Variants in MPC1 observed in about 807,000 individuals in gnomAD.
MPC1 encodes HSPC040 protein.
MPC1 carries 6 observed loss-of-function variants against 13.9 expected under a neutral mutation model. That is an observed-to-expected ratio of 0.43 (90% CI 0.24 to 0.85). The LOEUF is 0.85. MPC1 is among the 40% of genes least tolerant of loss of function. The pLI, the probability that MPC1 is intolerant of heterozygous loss-of-function variation, is 0.24. For synonymous variants in MPC1, 47 were observed against 50.5 expected (o/e 0.93, Z 0.29); for missense variants, 115 against 143.3 (o/e 0.80, Z 1.01).
intron 2 of MPC1, chr6:166,369,017 T>C: frequency 1.2e-6 from 1 of 836,828 alleles, no homozygotes; most frequent in African/African-American, 1.8e-5. Flanking sequence ...ATGTGTCTTC[T>C]TTCATAGGTG....
At chr6:166,382,017 C>G (rs1370068563) in intron 1 of MPC1, among the ~76,000 whole-genome samples, 1 of 152,266 alleles carries the variant, frequency 6.6e-6, no homozygotes, top group Non-Finnish European at 1.5e-5. Context: ...CACCCCACAC[C>G]CAGGTCGCCG....
intron 1 of MPC1, among the ~76,000 whole-genome samples, chr6:166,378,807 T>C (rs1779662395): frequency 6.6e-6 from 1 of 152,178 alleles, no homozygotes; most frequent in Non-Finnish European, 1.5e-5. Context: ...GGATTAAACA[T>C]GCAATATTAG....
At chr6:166,369,973 A>G (rs1013729800) in intron 2 of MPC1, 36 of 666,064 alleles carry the variant, frequency 5.4e-5, no homozygotes, top group Non-Finnish European at 8.2e-5. Context: ...ACTGTTATCA[A>G]TGAAGTAATT....
At chr6:166,366,729 T>C (rs1779169516) in intron 3 of MPC1, 66 bp downstream of exon 3, 1 of 1,487,056 alleles carries the variant, frequency 6.7e-7, no homozygotes, top group African/African-American at 1.4e-5. Context: ...TGCTACAATC[T>C]TGAAATGCAA....
At chr6:166,375,253 G>A (rs556646599) in intron 1 of MPC1, among the ~76,000 whole-genome samples, 9 of 152,228 alleles carry the variant, frequency 5.9e-5, no homozygotes, top group East Asian at 1.9e-4. Flanking sequence ...AAAGTAGGAT[G>A]GCATGAGATT....
chr6:166,368,255 T>C (rs1779236305), intron 2 of MPC1, among the ~76,000 whole-genome samples: 2 of 152,192 alleles, frequency 1.3e-5, no homozygotes. Context: ...GAGGAAATAT[T>C]TCTTTGAAAA....
intron 1 of MPC1, among the ~76,000 whole-genome samples, chr6:166,379,349 C>T (rs773035825): frequency 3.9e-4 from 60 of 152,064 alleles, no homozygotes; most frequent in Non-Finnish European, 7.4e-4. Context: ...AAAAAACTAG[C>T]CAGGTATGAT....
intron 1 of MPC1, among the ~76,000 whole-genome samples, chr6:166,374,771 G>A (rs1238291878): frequency 2.0e-5 from 3 of 152,080 alleles, no homozygotes; most frequent in Non-Finnish European, 4.4e-5. Context: ...GTCTACTTCC[G>A]GGCACTTTAT....
At chr6:166,377,826 C>T (rs1318768324) in intron 1 of MPC1, among the ~76,000 whole-genome samples, 1 of 152,134 alleles carries the variant, frequency 6.6e-6, no homozygotes, top group Admixed American at 6.5e-5. Flanking sequence ...TATGGCCAGT[C>T]CTGCTTCAAC....
chr6:166,369,300 G>A (rs1371266084), intron 2 of MPC1, among the ~76,000 whole-genome samples: 6 of 152,220 alleles, frequency 3.9e-5, no homozygotes, highest in Non-Finnish European at 8.8e-5. Context: ...TACTAGGGAG[G>A]TTGAGGCAGG....
intron 2 of MPC1, among the ~76,000 whole-genome samples, chr6:166,367,960 A>T (rs972150620): frequency 1.3e-5 from 2 of 152,256 alleles, no homozygotes; most frequent in Non-Finnish European, 2.9e-5. Flanking sequence ...AATATTTAAA[A>T]ATGTTTATTT....
rs569269231 is a variant in MPC1, at chr6:166,369,692, GCAGT to G, written c.75+522_75+525del. Reference sequence around the variant, plus strand: ...ATTGATTTATGCTGTCAGATATTCAGCAGTCAATTTTGAGAAAAATAAGGAACTT... The same window carrying G: ...ATTGATTTATGCTGTCAGATATTCAGCAATTTTGAGAAAAATAAGGAACTT... On this transcript the variant is annotated intron_variant, in intron 2 of 4. Coordinates refer to ENST00000360961, the MANE Select transcript of MPC1 (RefSeq NM_016098.4). Among the ~76,000 whole-genome samples the G allele has an allele frequency of 1.1e-4, 16 of 152,178 alleles. No individual in the cohort carries two copies. The East Asian group carries it at 2.7e-3, about 26-fold the overall frequency.
At chr6:166,373,369 G>T (rs1481768044) in intron 1 of MPC1, among the ~76,000 whole-genome samples, 1 of 152,158 alleles carries the variant, frequency 6.6e-6, no homozygotes, top group Non-Finnish European at 1.5e-5. Flanking sequence ...TGTGTAGTTG[G>T]AACCAGGTAG....
At chr6:166,378,666 G>C (rs1404306217) in intron 1 of MPC1, among the ~76,000 whole-genome samples, 1 of 152,128 alleles carries the variant, frequency 6.6e-6, no homozygotes, top group Non-Finnish European at 1.5e-5. Context: ...CAATAAGAAA[G>C]GTGAGGGAAT....
At chr6:166,377,543 CT>C (rs1316877848) in intron 1 of MPC1, among the ~76,000 whole-genome samples, 1 of 152,136 alleles carries the variant, frequency 6.6e-6, no homozygotes, top group Non-Finnish European at 1.5e-5. Context: ...TTATGTAGTA[CT>C]AAAAGGATCC....
intron 1 of MPC1, among the ~76,000 whole-genome samples, chr6:166,376,466 T>C (rs1779573503): frequency 6.6e-6 from 1 of 152,180 alleles, no homozygotes; most frequent in African/African-American, 2.4e-5. Context: ...AATTGTCTCT[T>C]CTCTACCTTT....
chr6:166,379,096 C>T (rs1284107913), intron 1 of MPC1, among the ~76,000 whole-genome samples: 1 of 152,092 alleles, frequency 6.6e-6, no homozygotes, highest in Non-Finnish European at 1.5e-5. Flanking sequence ...TTTTTTCACA[C>T]CAGGCCCAAT....
chr6:166,368,683 T>A, intron 2 of MPC1: 4 of 880,856 alleles, frequency 4.5e-6, no homozygotes, highest in Non-Finnish European at 5.4e-6. Context: ...TTTTCCTTAT[T>A]CCCCAGACTT....
chr6:166,381,429 T>A (rs1333992725), intron 1 of MPC1, among the ~76,000 whole-genome samples: 1 of 152,240 alleles, frequency 6.6e-6, no homozygotes, highest in African/African-American at 2.4e-5. Context: ...TAAAATCAAG[T>A]TGCCTTCATA....
Sources: gnomAD v4.1 joint callset for allele counts (sites outside exome capture counted in the v4.1 genomes callset) on GRCh38, gnomAD v4.1.1 for gene constraint, MANE v1.5 for transcripts, NCBI Gene and HGNC (gene_info 2026-07-23, HGNC 2026-07-21) for gene names.